Variants in TYW2 observed in about 807,000 individuals in gnomAD.
TYW2 encodes the protein tRNA wybutosine-synthesizing protein 2 homolog.
the TYW2 span, chr8:124,451,790 A>G: frequency 6.2e-7 from 1 of 1,614,226 alleles, no homozygotes; most frequent in African/African-American, 1.3e-5. Context: ...GATCGGTGCC[A>G]AATACACTTT....
chr8:124,451,047 GAA>G, the TYW2 span: 1 of 1,614,212 alleles, frequency 6.2e-7, no homozygotes, highest in Non-Finnish European at 8.5e-7. Context: ...TCCAGAGGCA[GAA>G]ACTCTTTGAT....
the TYW2 span, chr8:124,451,150 A>C: frequency 1.1e-5 from 17 of 1,614,056 alleles, no homozygotes; most frequent in Admixed American, 2.8e-4. Context: ...GCAGGAGCTG[A>C]GGAATCGTGT....
the TYW2 span, chr8:124,450,962 G>T: frequency 6.2e-7 from 1 of 1,614,058 alleles, no homozygotes; most frequent in East Asian, 2.2e-5. Flanking sequence ...AACATGGAGA[G>T]AGAAAGTGGG....
the TYW2 span, chr8:124,451,038 C>T: frequency 6.2e-7 from 1 of 1,614,128 alleles, no homozygotes; most frequent in Admixed American, 1.7e-5. Flanking sequence ...GAGAATATCT[C>T]CAGAGGCAGA....
the TYW2 span, chr8:124,452,474 G>A: frequency 1.7e-6 from 1 of 577,202 alleles, no homozygotes; most frequent in Non-Finnish European, 3.1e-6. Context: ...CTGTTTGGGA[G>A]AAGCAGCATG....
At chr8:124,451,135 C>T in the TYW2 span, 1 of 1,614,196 alleles carries the variant, frequency 6.2e-7, no homozygotes, top group Non-Finnish European at 8.5e-7. Context: ...TCCAGAGCAG[C>T]ACCTGCAGGA....
the TYW2 span, chr8:124,452,202 G>T: frequency 1.7e-5 from 28 of 1,614,100 alleles, no homozygotes; most frequent in Non-Finnish European, 2.4e-5. Context: ...TCCAACCAGT[G>T]AAATCCTATG....
the TYW2 span, chr8:124,451,363 G>A: frequency 6.2e-7 from 1 of 1,614,190 alleles, no homozygotes; most frequent in Non-Finnish European, 8.5e-7. Context: ...GCTGAGTGAA[G>A]ACTGTTTCCA....
chr8:124,451,276 G>A, the TYW2 span: 3 of 1,614,142 alleles, frequency 1.9e-6, no homozygotes, highest in Non-Finnish European at 2.5e-6. Context: ...CTGGGTGGAG[G>A]GTCGGGGAGT....
the TYW2 span, chr8:124,451,743 T>G: frequency 2.0e-4 from 329 of 1,614,186 alleles, no homozygotes; most frequent in African/African-American, 3.8e-3. Flanking sequence ...ATGCTGTAGT[T>G]GCTCTGAGAA....
At chr8:124,452,762 C>G in the TYW2 span, 2 of 169,974 alleles carry the variant, frequency 1.2e-5, no homozygotes, top group Non-Finnish European at 2.9e-5. Context: ...GAGGAGGCTT[C>G]TGTGGTTGTC....
the TYW2 span, chr8:124,451,620 G>A: frequency 6.2e-7 from 1 of 1,614,226 alleles, no homozygotes. Flanking sequence ...TGGCATCGTT[G>A]TCCTGTGCTG....
chr8:124,451,829 A>G, the TYW2 span: 1 of 1,614,172 alleles, frequency 6.2e-7, no homozygotes, highest in Non-Finnish European at 8.5e-7. Flanking sequence ...AAGCTCTCAA[A>G]TATTGCAGAT....
At chr8:124,452,105 A>G in the TYW2 span, 1 of 1,614,124 alleles carries the variant, frequency 6.2e-7, no homozygotes, top group African/African-American at 1.3e-5. Context: ...CCAGAGTGGC[A>G]AAGGTGGGCA....
At chr8:124,451,417 G>C in the TYW2 span, 9 of 1,614,152 alleles carry the variant, frequency 5.6e-6, no homozygotes, top group Non-Finnish European at 7.6e-6. Context: ...CTGGGAGACC[G>C]TTGCCTTGGC....
the TYW2 span, chr8:124,451,909 G>A: frequency 5.6e-6 from 9 of 1,614,190 alleles, no homozygotes; most frequent in Non-Finnish European, 7.6e-6. Flanking sequence ...GTTAAGGCAG[G>A]ATGCTGGAGG....
the TYW2 span, chr8:124,451,183 C>T: frequency 6.2e-7 from 1 of 1,614,152 alleles, no homozygotes. Context: ...TCCCTGTATG[C>T]TCACGCAGCT....
At chr8:124,452,276 G>A in the TYW2 span, 14 of 1,612,118 alleles carry the variant, frequency 8.7e-6, no homozygotes, top group Non-Finnish European at 1.2e-5. Context: ...GTTGGCTAGA[G>A]GAGGTAGATC....
the TYW2 span, chr8:124,451,401 G>A: frequency 3.1e-6 from 5 of 1,614,164 alleles, no homozygotes; most frequent in South Asian, 2.2e-5. Flanking sequence ...ATCTGGGACC[G>A]GAACTCTGGG....
Sources: allele counts gnomAD v4.1 joint callset, GRCh38; gene constraint gnomAD v4.1.1; transcripts MANE v1.5; gene names NCBI Gene and HGNC (gene_info 2026-07-23, HGNC 2026-07-21).